FAM83B: variants seen among roughly 807,000 people sequenced by gnomAD.
FAM83B encodes the protein scaffolding CK1 anchoring protein B.
Under a neutral mutation model 38.8 loss-of-function variants are expected in FAM83B, and 26 were observed. That is an observed-to-expected ratio of 0.67 (90% CI 0.49 to 0.93). The LOEUF (loss-of-function observed/expected upper bound fraction) is 0.93, where lower values mean the gene tolerates loss of function less well. Among genes scored for constraint, FAM83B ranks in the 40% least tolerant of loss-of-function variants. The probability of loss-of-function intolerance (pLI) is 0.00; values close to 1 mark genes in which losing one functional copy is unlikely to be tolerated. For synonymous variants in FAM83B, 419 were observed against 423.1 expected (o/e 0.99, Z 0.12); for missense variants, 1,237 against 1,197.3 (o/e 1.03, Z -0.49).
intron 2 of FAM83B, among the ~76,000 whole-genome samples, chr6:54,892,661 C>G (rs970260834): frequency 6.6e-6 from 1 of 150,502 alleles, no homozygotes; most frequent in Non-Finnish European, 1.5e-5. Flanking sequence ...AAATACTCTT[C>G]TCCATCTCCT....
intron 3 of FAM83B, 53 bp from the exon 4 acceptor site, chr6:54,927,455 A>G (rs1400350161): frequency 1.4e-6 from 2 of 1,428,178 alleles, no homozygotes; most frequent in South Asian, 3.6e-5. Flanking sequence ...TTGGTTTTCA[A>G]AATATTCTTT....
rs766792572 is a variant in FAM83B at position 54,941,478 on chromosome 6, C to T, written c.2507C>T (p.Ser836Leu). 1.2e-6 allele frequency: 2 copies of T among 1,613,790 alleles called. No individual in the cohort carries two copies. The highest frequency in any genetic ancestry group is 1.1e-5 in the South Asian group (1 of 91,014). ...CCTAGAAGAAAGCATTCTTCCTCAT[C>T]GAATTCTCAAGGCAGCATCCACAAG... ...SSPRRKHSSSSNSQGSIHKSK... is the reference protein window; with the variant it reads ...SSPRRKHSSSLNSQGSIHKSK... The change falls in exon 5 of 5, where the codon TCG (serine) becomes TTG (leucine). Residue 836 changes from serine to leucine, a missense_variant. By Grantham distance (145) the Ser-to-Leu change is moderately radical. Transcript: ENST00000306858.
chr6:54,893,107 G>C (rs1020887601), intron 2 of FAM83B, among the ~76,000 whole-genome samples: 1 of 152,064 alleles, frequency 6.6e-6, no homozygotes, highest in Non-Finnish European at 1.5e-5. Context: ...CTGCAGCTTT[G>C]ATTCACAAGT....
intron 2 of FAM83B, among the ~76,000 whole-genome samples, chr6:54,898,359 G>A (rs1772584778): frequency 1.3e-5 from 2 of 152,178 alleles, no homozygotes; most frequent in South Asian, 4.1e-4. Context: ...CTGTTCAAGT[G>A]TGAAGCAGGG....
At chr6:54,927,079 A>G (rs79969826) in intron 3 of FAM83B, among the ~76,000 whole-genome samples, 2 of 152,086 alleles carry the variant, frequency 1.3e-5, no homozygotes, top group South Asian at 4.1e-4. Context: ...TATTTAATAC[A>G]TCAGTTTTGC....
At chr6:54,918,581 C>A (rs1454592727) in intron 2 of FAM83B, among the ~76,000 whole-genome samples, 2 of 151,970 alleles carry the variant, frequency 1.3e-5, no homozygotes, top group Non-Finnish European at 2.9e-5. Flanking sequence ...CTTATAAAAC[C>A]ATCAGATCTT....
chr6:54,886,954 G>A (rs1287620691), intron 2 of FAM83B, among the ~76,000 whole-genome samples: 1 of 151,502 alleles, frequency 6.6e-6, no homozygotes, highest in Non-Finnish European at 1.5e-5. Flanking sequence ...TGATCCTTTG[G>A]TTGCTGGATT....
At chr6:54,930,773 G>A (rs976124629) in intron 4 of FAM83B, among the ~76,000 whole-genome samples, 3 of 151,834 alleles carry the variant, frequency 2.0e-5, no homozygotes, top group African/African-American at 7.3e-5. Context: ...GAGGTATAAA[G>A]CTAGGTTGTT....
At chr6:54,891,764 T>C (rs2127580470) in intron 2 of FAM83B, among the ~76,000 whole-genome samples, 1 of 152,290 alleles carries the variant, frequency 6.6e-6, no homozygotes, top group African/African-American at 2.4e-5. Flanking sequence ...TAATGATTCA[T>C]TCCTCTCTCA....
intron 2 of FAM83B, among the ~76,000 whole-genome samples, chr6:54,902,643 T>C (rs980945008): frequency 6.6e-6 from 1 of 152,194 alleles, no homozygotes; most frequent in African/African-American, 2.4e-5. Flanking sequence ...GTCCTAAGAT[T>C]AAGAGGACCA....
chr6:54,903,512 A>T (rs551895294), intron 2 of FAM83B, among the ~76,000 whole-genome samples: 1 of 152,292 alleles, frequency 6.6e-6, no homozygotes, highest in Admixed American at 6.5e-5. Flanking sequence ...CAGGCAAAAC[A>T]TGGTAGTTTA....
chr6:54,939,225 T>C (rs539374517), intron 4 of FAM83B, among the ~76,000 whole-genome samples: 6 of 152,224 alleles, frequency 3.9e-5, no homozygotes, highest in Non-Finnish European at 7.3e-5. Context: ...TGTATGTGCC[T>C]ATTCTTATAC....
At chr6:54,926,207 A>T (rs1263728538) in intron 2 of FAM83B, among the ~76,000 whole-genome samples, 164 bp from the exon 3 acceptor site, 1 of 152,234 alleles carries the variant, frequency 6.6e-6, no homozygotes, top group East Asian at 1.9e-4. Flanking sequence ...TTATTTTAAT[A>T]TGGTTTTATC....
chr6:54,927,639 T>G lies in FAM83B; in HGVS notation c.734+7T>G, dbSNP rs369120644. 23 of 1,572,682 alleles carry G rather than the reference T, an allele frequency of 1.5e-5. No homozygotes were observed. The East Asian group carries it at 4.8e-4, about 33-fold the overall frequency. On this transcript the variant is annotated splice_region_variant and intron_variant, in intron 4 of 4. Transcript: ENST00000306858. The stretch of plus-strand genomic sequence containing the variant: ...TGATGTACGGTTCTTACAGGTAAGA[T>G]CATTGTGTTTAACTTCAGTGTTATC...
chr6:54,853,401 CCTGG>C (rs1771360389), intron 1 of FAM83B, among the ~76,000 whole-genome samples: 2 of 152,070 alleles, frequency 1.3e-5, no homozygotes, highest in African/African-American at 4.8e-5. Flanking sequence ...GAAGTCAATG[CCTGG>C]TTTCAAAGCT....
chr6:54,893,780 T>C (rs1170882318), intron 2 of FAM83B, among the ~76,000 whole-genome samples: 3 of 152,172 alleles, frequency 2.0e-5, no homozygotes, highest in African/African-American at 7.2e-5. Context: ...TTAAGTTTAG[T>C]GCCAAGGAGT....
At chr6:54,901,245 GTGTTCTTAGAC>G (rs1000607158) in intron 2 of FAM83B, among the ~76,000 whole-genome samples, 67 of 152,240 alleles carry the variant, frequency 4.4e-4, no homozygotes, top group Admixed American at 1.6e-3. Flanking sequence ...CATCTACCAT[GTGTTCTTAGAC>G]TGTAAACTCC....
At chr6:54,911,759 A>G (rs1483916410) in intron 2 of FAM83B, among the ~76,000 whole-genome samples, 5 of 152,152 alleles carry the variant, frequency 3.3e-5, no homozygotes, top group Admixed American at 3.3e-4. Flanking sequence ...TGAAGTCTCA[A>G]GAAATCTAAA....
At chr6:54,854,893 G>A (rs10807485) in intron 1 of FAM83B, among the ~76,000 whole-genome samples, 50,368 of 152,008 alleles carry the variant, frequency 0.33, 9,699 homozygotes, top group Non-Finnish European at 0.44. Context: ...TATGTTTCTA[G>A]TATTTTATAC....
Sources: gnomAD v4.1 joint callset for allele counts (sites outside exome capture counted in the v4.1 genomes callset) on GRCh38, gnomAD v4.1.1 for gene constraint, MANE v1.5 for transcripts, NCBI Gene and HGNC (gene_info 2026-07-23, HGNC 2026-07-21) for gene names.